Variants in ENO4 observed in about 807,000 individuals in gnomAD.
ENO4 encodes the protein 2-phospho-D-glycerate hydro-lyase.
ENO4 carries 53 observed loss-of-function variants against 63.2 expected under a neutral mutation model. The ratio of observed to expected loss-of-function variants is 0.84; its 90% confidence interval spans 0.67 to 1.05. The LOEUF is 1.05. Ranked by LOEUF, ENO4 falls within the 50% of genes least tolerant of loss-of-function variation. The pLI is 0.00. For synonymous variants in ENO4, 266 were observed against 283.8 expected (o/e 0.94, Z 0.63); for missense variants, 719 against 772.0 (o/e 0.93, Z 0.81).
chr10:116,897,463 T>A (rs1363404773), intron 10 of ENO4, among the ~76,000 whole-genome samples: 1 of 152,116 alleles, frequency 6.6e-6, no homozygotes, highest in Non-Finnish European at 1.5e-5. Flanking sequence ...TTGCCTCAAT[T>A]TTGGATTAGA....
chr10:116,857,243 C>A (rs1846289665), intron 3 of ENO4, among the ~76,000 whole-genome samples: 2 of 152,140 alleles, frequency 1.3e-5, no homozygotes, highest in African/African-American at 4.8e-5. Context: ...TAGTAAAAAG[C>A]TTCTCAGAAA....
At chr10:116,890,776 C>T (rs2133302496) in intron 10 of ENO4, among the ~76,000 whole-genome samples, 1 of 152,352 alleles carries the variant, frequency 6.6e-6, no homozygotes, top group East Asian at 1.9e-4. Flanking sequence ...AAGGAAAGAC[C>T]TGACTCCAAA....
At chr10:116,860,304 C>A (rs940146217) in intron 4 of ENO4, among the ~76,000 whole-genome samples, 1 of 152,050 alleles carries the variant, frequency 6.6e-6, no homozygotes, top group Non-Finnish European at 1.5e-5. Flanking sequence ...TGCTAAAGAA[C>A]GTAAATGACA....
intron 6 of ENO4, among the ~76,000 whole-genome samples, chr10:116,861,803 T>TGAGTG (rs1278064125): frequency 6.6e-6 from 1 of 151,892 alleles, no homozygotes; most frequent in African/African-American, 2.4e-5. Flanking sequence ...AGTAATAAGT[T>TGAGTG]GAGTGATAGT....
chr10:116,906,820 A>AC, intron 10 of ENO4: 1 of 1,224,376 alleles, frequency 8.2e-7, no homozygotes, highest in South Asian at 2.0e-5. Flanking sequence ...TAAAAATCAA[A>AC]CCATGAAAAC....
At chr10:116,908,073 T>C (rs1415236512) in intron 10 of ENO4, among the ~76,000 whole-genome samples, 18 of 152,320 alleles carry the variant, frequency 1.2e-4, no homozygotes, top group Admixed American at 3.3e-4. Context: ...TAAGAGATTA[T>C]GTTATTTTGT....
At chr10:116,911,645 A>G in exon 11 of ENO4, 2 of 1,561,954 alleles carry the variant, frequency 1.3e-6, no homozygotes, top group African/African-American at 1.4e-5. Context: ...GCAGTCTGTA[A>G]GCACGATCAA....
At chr10:116,891,426 G>A (rs1409505859) in intron 10 of ENO4, among the ~76,000 whole-genome samples, 1 of 152,172 alleles carries the variant, frequency 6.6e-6, no homozygotes, top group African/African-American at 2.4e-5. Flanking sequence ...AACAAATGAC[G>A]CACAGCCGGA....
chr10:116,875,676 G>C (rs1846813760), intron 10 of ENO4, among the ~76,000 whole-genome samples: 1 of 152,154 alleles, frequency 6.6e-6, no homozygotes, highest in Non-Finnish European at 1.5e-5. Flanking sequence ...GAAGGGACTA[G>C]AGCCCTTGCA....
intron 13 of ENO4, among the ~76,000 whole-genome samples, chr10:116,880,632 G>A (rs11197842): frequency 2.0e-4 from 30 of 152,280 alleles, no homozygotes; most frequent in East Asian, 1.9e-3. Flanking sequence ...CATGTTTAAC[G>A]TATGTAGCGG....
intron 8 of ENO4, among the ~76,000 whole-genome samples, chr10:116,870,682 GC>G (rs1432718715): frequency 1.1e-4 from 16 of 152,154 alleles, no homozygotes; most frequent in Non-Finnish European, 1.9e-4. Flanking sequence ...GGAGGGCTAT[GC>G]TTTTAATGGC....
chr10:116,900,881 T>C (rs1031437607), intron 10 of ENO4: 1 of 985,058 alleles, frequency 1.0e-6, no homozygotes, highest in Admixed American at 6.1e-5. Context: ...ATAGTAGCAA[T>C]GAGAGAATGC....
intron 6 of ENO4, among the ~76,000 whole-genome samples, chr10:116,862,454 C>G (rs1456522278): frequency 6.6e-6 from 1 of 150,656 alleles, no homozygotes; most frequent in African/African-American, 2.5e-5. Context: ...GAGTGAAACT[C>G]CATCTCAAAA....
At chr10:116,862,393 G>A (rs1015925973) in intron 6 of ENO4, among the ~76,000 whole-genome samples, 1 of 152,122 alleles carries the variant, frequency 6.6e-6, no homozygotes, top group African/African-American at 2.4e-5. Context: ...GAACAATTCG[G>A]AGTTTGCAGT....
At chr10:116,858,549 T>G (rs1352273712) in intron 3 of ENO4, among the ~76,000 whole-genome samples, 2 of 151,986 alleles carry the variant, frequency 1.3e-5, no homozygotes, top group African/African-American at 4.8e-5. Flanking sequence ...TTTCCAAAAG[T>G]TTTTTTTAAA....
At chr10:116,898,911 A>C (rs939660061) in intron 10 of ENO4, among the ~76,000 whole-genome samples, 7 of 152,188 alleles carry the variant, frequency 4.6e-5, no homozygotes, top group African/African-American at 1.7e-4. Context: ...TTTACCAGAG[A>C]GGAGTTACTC....
At chr10:116,866,839 C>T (rs543542529) in intron 7 of ENO4, among the ~76,000 whole-genome samples, 11 of 151,380 alleles carry the variant, frequency 7.3e-5, no homozygotes, top group East Asian at 1.9e-4. Context: ...ATGGGAGGAA[C>T]GCTGAATTGC....
In ENO4 at chr10:116,860,917, T is replaced by C; in HGVS notation, c.758T>C (p.Leu253Pro). The part of the protein sequence containing the change: ...LAVAKACAML[L>P]NKPLYLNIAL... ...GTTGCCAAAGCCTGTGCCATGCTGCTTAATAAACCTCTGTACTTAAATATC... is the reference window on the plus strand; with the variant it reads ...GTTGCCAAAGCCTGTGCCATGCTGCCTAATAAACCTCTGTACTTAAATATC... Residue 253 changes from leucine (L) to proline (P), a missense_variant, in exon 5 of 14, where the codon CTT (leucine) becomes CCT (proline). Physicochemically the swap from Leu to Pro is moderately conservative, Grantham distance 98 (BLOSUM62 -3). Transcript: ENST00000341276. 1 of 1,548,542 alleles carries C rather than the reference T, an allele frequency of 6.5e-7. No individual in the cohort carries two copies. The highest frequency in any genetic ancestry group is 8.7e-7 in the Non-Finnish European group (1 of 1,145,466).
intron 3 of ENO4, 133 bp downstream of exon 3, chr10:116,856,815 C>T: frequency 2.8e-6 from 2 of 710,162 alleles, no homozygotes; most frequent in Non-Finnish European, 4.3e-6. Context: ...CGGTGAAACC[C>T]AGTCTCTACT....
Sources: gnomAD v4.1 joint callset for allele counts (sites outside exome capture counted in the v4.1 genomes callset) on GRCh38, gnomAD v4.1.1 for gene constraint, MANE v1.5 for transcripts, NCBI Gene and HGNC (gene_info 2026-07-23, HGNC 2026-07-21) for gene names.